The following RPS6KA5 variants were observed in gnomAD, a reference collection of about 807,000 sequenced individuals.
RPS6KA5 encodes ribosomal protein S6 kinase A5, also known as ribosomal protein S6 kinase alpha-5.
Under a neutral mutation model 85.5 loss-of-function variants are expected in RPS6KA5, and 27 were observed. The observed-to-expected ratio is 0.32, with a 90% CI of 0.23 to 0.44. The LOEUF is 0.44. Among genes scored for constraint, RPS6KA5 ranks in the 20% least tolerant of loss-of-function variants. RPS6KA5 has a pLI of 1.00. For synonymous variants in RPS6KA5, 334 were observed against 348.2 expected (o/e 0.96, Z 0.46); for missense variants, 811 against 980.9 (o/e 0.83, Z 2.31).
At chr14:90,982,976 C>A (rs903162611) in intron 2 of RPS6KA5, among the ~76,000 whole-genome samples, 6 of 151,986 alleles carry the variant, frequency 3.9e-5, no homozygotes, top group Non-Finnish European at 7.4e-5. Flanking sequence ...AGGCAGGGGT[C>A]GTGGTGGGCA....
At chr14:90,907,534 T>A (rs1166622905) in intron 7 of RPS6KA5, among the ~76,000 whole-genome samples, 2 of 152,184 alleles carry the variant, frequency 1.3e-5, no homozygotes, top group African/African-American at 4.8e-5. Flanking sequence ...AAGGCAACCA[T>A]ATAGAAAATA....
intron 7 of RPS6KA5, among the ~76,000 whole-genome samples, chr14:90,918,250 T>C (rs954054895): frequency 6.6e-5 from 10 of 152,220 alleles, no homozygotes; most frequent in African/African-American, 2.4e-4. Flanking sequence ...TGGTATTTCA[T>C]TGATGTTTTA....
chr14:91,055,585 G>C (rs2043280475), intron 1 of RPS6KA5, among the ~76,000 whole-genome samples: 1 of 152,178 alleles, frequency 6.6e-6, no homozygotes, highest in Non-Finnish European at 1.5e-5. Context: ...TTGGAGACCA[G>C]TGTGAGCATA....
intron 1 of RPS6KA5, among the ~76,000 whole-genome samples, chr14:91,020,424 T>C (rs193289409): frequency 7.2e-5 from 11 of 152,278 alleles, no homozygotes; most frequent in East Asian, 1.9e-4. Context: ...GGAGGATGTA[T>C]AGATTATATG....
chr14:91,043,321 T>G (rs2042672302), intron 1 of RPS6KA5, among the ~76,000 whole-genome samples: 1 of 152,208 alleles, frequency 6.6e-6, no homozygotes. Flanking sequence ...ACCTACTACC[T>G]TGGCTTTAAA....
rs200169986 is a variant in RPS6KA5, at chr14:90,943,147, A to C, written c.549T>G (p.Ile183Met). Residue 183 changes from isoleucine (I) to methionine (M), a missense_variant, in exon 5 of 17, where the codon ATT becomes ATG. This residue lies in a region of RPS6KA5 where 650 missense variants were observed against 793.4 expected (regional missense o/e 0.82). Transcript: ENST00000614987. ...IIYRDIKLEN[I>M]LLDSNGHVVL... ...CCACATGGCCATTAGAATCAAGTAG[A>C]ATATTCTCAAGCTTAATATCACGAT... is the stretch of plus-strand genomic sequence containing the variant. 304 of 1,611,958 alleles carry C rather than the reference A, an allele frequency of 1.9e-4. No individual in the cohort carries two copies. The highest frequency in any genetic ancestry group is 2.4e-4 in the Non-Finnish European group (286 of 1,178,398).
At chr14:91,038,603 A>G (rs1162013991) in intron 1 of RPS6KA5, among the ~76,000 whole-genome samples, 1 of 152,212 alleles carries the variant, frequency 6.6e-6, no homozygotes, top group African/African-American at 2.4e-5. Flanking sequence ...CAAGAGCTGA[A>G]GGAGCCGCAG....
intron 3 of RPS6KA5, among the ~76,000 whole-genome samples, chr14:90,962,261 G>T (rs771849195): frequency 5.9e-5 from 9 of 151,354 alleles, no homozygotes; most frequent in Non-Finnish European, 1.2e-4. Context: ...CCCTATTAAA[G>T]AATTTTTTCC....
intron 1 of RPS6KA5, among the ~76,000 whole-genome samples, chr14:91,043,506 A>T (rs2042678135): frequency 6.6e-6 from 1 of 152,168 alleles, no homozygotes; most frequent in Admixed American, 6.5e-5. Flanking sequence ...GTAACCCTGA[A>T]CAAGCCGGTG....
At chr14:90,982,645 C>T (rs2039845144) in intron 2 of RPS6KA5, among the ~76,000 whole-genome samples, 1 of 152,206 alleles carries the variant, frequency 6.6e-6, no homozygotes, top group Non-Finnish European at 1.5e-5. Flanking sequence ...TTATCAACTA[C>T]ATCAGAGCCA....
chr14:90,951,820 C>T (rs1389679436), intron 3 of RPS6KA5, among the ~76,000 whole-genome samples: 1 of 152,072 alleles, frequency 6.6e-6, no homozygotes, highest in Non-Finnish European at 1.5e-5. Context: ...CATTCTGAGC[C>T]CAGAACACCC....
At chr14:90,965,988 T>C (rs150457542) in intron 3 of RPS6KA5, among the ~76,000 whole-genome samples, 1 of 152,340 alleles carries the variant, frequency 6.6e-6, no homozygotes, top group African/African-American at 2.4e-5. Flanking sequence ...CTGGTTTGAC[T>C]GATAAGGCCT....
chr14:90,881,930 T>C (rs2033868328), intron 14 of RPS6KA5, among the ~76,000 whole-genome samples: 1 of 152,232 alleles, frequency 6.6e-6, no homozygotes, highest in Non-Finnish European at 1.5e-5. Context: ...TTTAAATCCA[T>C]TATGCCAATC....
intron 3 of RPS6KA5, among the ~76,000 whole-genome samples, chr14:90,951,744 G>A (rs936655724): frequency 2.0e-5 from 3 of 151,966 alleles, no homozygotes; most frequent in East Asian, 1.9e-4. Context: ...AGAAGGTTCC[G>A]CTCGTTCTTT....
chr14:90,903,019 C>G, intron 8 of RPS6KA5, 50 bp from the exon 9 acceptor site: 1 of 1,494,210 alleles, frequency 6.7e-7, no homozygotes, highest in Non-Finnish European at 9.2e-7. Flanking sequence ...TCAAAATGTA[C>G]TTTCTAAGAA....
chr14:91,021,197 G>A (rs1218322459), intron 1 of RPS6KA5, among the ~76,000 whole-genome samples: 1 of 152,008 alleles, frequency 6.6e-6, no homozygotes, highest in Non-Finnish European at 1.5e-5. Context: ...TTACTATAAT[G>A]GTTACAATGG....
At chr14:90,990,031 G>A (rs1047946162) in intron 2 of RPS6KA5, among the ~76,000 whole-genome samples, 3 of 152,118 alleles carry the variant, frequency 2.0e-5, no homozygotes, top group African/African-American at 7.2e-5. Context: ...AAAGCAATTT[G>A]GGCAGGATTT....
intron 7 of RPS6KA5, among the ~76,000 whole-genome samples, chr14:90,912,315 AC>A (rs2035867802): frequency 6.6e-6 from 1 of 152,182 alleles, no homozygotes; most frequent in African/African-American, 2.4e-5. Flanking sequence ...GTGGGCCAGT[AC>A]TTCCCAGTCT....
chr14:90,982,738 G>C (rs1354452402), intron 2 of RPS6KA5, among the ~76,000 whole-genome samples: 1 of 152,200 alleles, frequency 6.6e-6, no homozygotes, highest in Non-Finnish European at 1.5e-5. Flanking sequence ...CAGCACTTTG[G>C]GAGGCCGGAG....
Sources: gnomAD v4.1 joint callset for allele counts (sites outside exome capture counted in the v4.1 genomes callset) on GRCh38, gnomAD v4.1.1 for gene constraint, gnomAD v4.1.1 regional missense constraint, MANE v1.5 for transcripts, NCBI Gene and HGNC (gene_info 2026-07-23, HGNC 2026-07-21) for gene names.